Variants in LAMA2 observed in about 807,000 individuals in gnomAD.
LAMA2 encodes laminin subunit alpha-2.
Under a neutral mutation model 364.8 loss-of-function variants are expected in LAMA2, and 269 were observed. The ratio of observed to expected loss-of-function variants is 0.74; its 90% confidence interval spans 0.67 to 0.82. The LOEUF (loss-of-function observed/expected upper bound fraction) is 0.82. Among genes scored for constraint, LAMA2 ranks in the 40% least tolerant of loss-of-function variants. The pLI is 0.00. For synonymous variants in LAMA2, 1,379 were observed against 1,370.6 expected (o/e 1.01, Z -0.14); for missense variants, 3,807 against 3,873.2 (o/e 0.98, Z 0.45).
chr6:129,108,562 C>T (rs1408449605), intron 4 of LAMA2, among the ~76,000 whole-genome samples: 1 of 151,920 alleles, frequency 6.6e-6, no homozygotes. Flanking sequence ...CCTCTACACA[C>T]CCCACCCATT....
intron 4 of LAMA2, among the ~76,000 whole-genome samples, chr6:129,123,400 G>A (rs1776921665): frequency 6.6e-6 from 1 of 150,494 alleles, no homozygotes; most frequent in Non-Finnish European, 1.5e-5. Flanking sequence ...CAAAGCAATT[G>A]AAATCAGGAT....
intron 4 of LAMA2, among the ~76,000 whole-genome samples, chr6:129,113,067 A>C (rs1776250328): frequency 6.6e-6 from 1 of 152,100 alleles, no homozygotes; most frequent in Non-Finnish European, 1.5e-5. Context: ...TGTTAAAATA[A>C]AAAGAAGGAT....
At chr6:129,012,040 A>G (rs142293447) in intron 1 of LAMA2, among the ~76,000 whole-genome samples, 7 of 152,324 alleles carry the variant, frequency 4.6e-5, no homozygotes, top group Non-Finnish European at 7.3e-5. Context: ...CCTTCTACTC[A>G]GGACTCCATT....
chr6:128,920,871 GAAGAA>G (rs1403226870), intron 1 of LAMA2, among the ~76,000 whole-genome samples: 1 of 152,106 alleles, frequency 6.6e-6, no homozygotes, highest in East Asian at 1.9e-4. Context: ...TAGCAAGGGA[GAAGAA>G]AAGAAAGAGA....
At chr6:129,235,527 T>C (rs934564817) in intron 12 of LAMA2, among the ~76,000 whole-genome samples, 5 of 152,224 alleles carry the variant, frequency 3.3e-5, no homozygotes, top group African/African-American at 4.8e-5. Flanking sequence ...GTGTGTTTTA[T>C]GTTGTGATTG....
rs66805881 is a variant in LAMA2, at chr6:129,361,783, CT to C, written c.4718-4417del. 6.5e-3 allele frequency among the ~76,000 whole-genome samples: 791 copies of C among 121,070 alleles called. 2 individuals are homozygous for C. The highest frequency in any genetic ancestry group is 0.021 in the African/African-American group (674 of 32,132). 79.4% of individuals were successfully genotyped at this position (121,070 alleles called of 152,430 possible). ...GTGGCAAAGAAGTATTAACAGTAAC[CT>C]TTTTTTTTTTTTTTTTTTGAGATGG... On this transcript the variant is annotated intron_variant, in intron 32 of 64. Transcript: ENST00000421865.
intron 12 of LAMA2, among the ~76,000 whole-genome samples, chr6:129,194,210 T>A (rs1387476869): frequency 2.7e-5 from 4 of 148,384 alleles, no homozygotes; most frequent in East Asian, 2.0e-4. Context: ...ACTGTCAATT[T>A]AAAAAAAAAA....
intron 1 of LAMA2, among the ~76,000 whole-genome samples, chr6:129,020,860 T>C (rs9385478): frequency 0.99 from 151,275 of 152,210 alleles, 75,173 homozygotes; most frequent in Middle Eastern, 1. Flanking sequence ...GGTTCTAAGG[T>C]GGCTTCTTTA....
At chr6:128,946,117 A>G (rs185449748) in intron 1 of LAMA2, among the ~76,000 whole-genome samples, 1 of 151,242 alleles carries the variant, frequency 6.6e-6, no homozygotes, top group East Asian at 1.9e-4. Flanking sequence ...TGGAGACTGC[A>G]GCCTCTCTAG....
At chr6:128,908,132 G>A (rs1273540445) in intron 1 of LAMA2, among the ~76,000 whole-genome samples, 1 of 150,780 alleles carries the variant, frequency 6.6e-6, no homozygotes. Context: ...TTTGGTATCA[G>A]AATGATGCTG....
At chr6:129,438,624 T>C in intron 41 of LAMA2, 22 bp from the exon 42 acceptor site, 1 of 1,213,608 alleles carries the variant, frequency 8.2e-7, no homozygotes, top group South Asian at 1.2e-5. Flanking sequence ...ATTTAATCCT[T>C]TTTTTTGTTT....
At chr6:129,273,038 C>T (rs916952096) in intron 17 of LAMA2, among the ~76,000 whole-genome samples, 14 of 151,918 alleles carry the variant, frequency 9.2e-5, no homozygotes, top group African/African-American at 3.1e-4. Context: ...TGAATGGGCT[C>T]AAAACTGAAG....
At chr6:129,501,177 A>C (rs1028599046) in intron 58 of LAMA2, among the ~76,000 whole-genome samples, 1 of 152,224 alleles carries the variant, frequency 6.6e-6, no homozygotes, top group Non-Finnish European at 1.5e-5. Flanking sequence ...TTCTATTAAT[A>C]GAAGTATTCA....
chr6:129,215,688 A>G (rs1783383524), intron 12 of LAMA2, among the ~76,000 whole-genome samples: 1 of 152,144 alleles, frequency 6.6e-6, no homozygotes, highest in Non-Finnish European at 1.5e-5. Flanking sequence ...TTCACCTTGT[A>G]TCCTTTGTCA....
intron 22 of LAMA2, among the ~76,000 whole-genome samples, chr6:129,302,569 C>T (rs1476060340): frequency 6.6e-6 from 1 of 152,032 alleles, no homozygotes; most frequent in East Asian, 1.9e-4. Context: ...AGATTTCTCT[C>T]CCATGTTTTC....
At chr6:128,951,534 G>A (rs78531557) in intron 1 of LAMA2, among the ~76,000 whole-genome samples, 3,389 of 152,166 alleles carry the variant, frequency 0.022, 129 homozygotes, top group African/African-American at 0.075. Flanking sequence ...TGAAATGACC[G>A]ACTTATCAAG....
At chr6:129,421,302 A>C (rs1781060293) in intron 40 of LAMA2, among the ~76,000 whole-genome samples, 2 of 152,008 alleles carry the variant, frequency 1.3e-5, no homozygotes, top group African/African-American at 2.4e-5. Context: ...GATATAGTTG[A>C]AATTTTTATA....
At chr6:129,168,129 A>G (rs1291056232) in intron 9 of LAMA2, among the ~76,000 whole-genome samples, 1 of 140,894 alleles carries the variant, frequency 7.1e-6, no homozygotes, top group Non-Finnish European at 1.5e-5. Flanking sequence ...GTTCACTCTG[A>G]TGGTAGTTTC....
chr6:129,334,346 C>T (rs1394056356), intron 29 of LAMA2, among the ~76,000 whole-genome samples: 2 of 152,080 alleles, frequency 1.3e-5, no homozygotes. Context: ...TTAGTTTCTT[C>T]ATTTATATAA....
Sources: allele counts gnomAD v4.1 joint callset (sites outside exome capture counted in the v4.1 genomes callset), GRCh38; gene constraint gnomAD v4.1.1; transcripts MANE v1.5; gene names NCBI Gene and HGNC (gene_info 2026-07-23, HGNC 2026-07-21).